Variants in RNF25 observed in about 807,000 individuals in gnomAD.
RNF25 encodes the protein E3 ubiquitin-protein ligase RNF25.
RNF25 carries 32 observed loss-of-function variants against 65.0 expected under a neutral mutation model. The ratio of observed to expected loss-of-function variants is 0.49; its 90% CI spans 0.37 to 0.66. RNF25 has a LOEUF of 0.66. Among genes scored for constraint, RNF25 ranks in the 30% least tolerant of loss-of-function variants. RNF25 has a pLI of 0.00. For synonymous variants in RNF25, 207 were observed against 221.2 expected, an observed-to-expected ratio of 0.94 and a Z score of 0.57; for missense variants, 493 against 584.8, an observed-to-expected ratio of 0.84 and a Z score of 1.62.
chr2:218,669,260 A>C (rs1033133786), intron 1 of RNF25, among the ~76,000 whole-genome samples: 1 of 152,230 alleles, frequency 6.6e-6, no homozygotes, highest in Non-Finnish European at 1.5e-5. Context: ...AACAGGTACC[A>C]ATCACTTACA....
intron 1 of RNF25, among the ~76,000 whole-genome samples, chr2:218,670,927 C>A (rs1191542893): frequency 1.3e-5 from 2 of 152,030 alleles, no homozygotes; most frequent in African/African-American, 2.4e-5. Context: ...AATTCCAGCA[C>A]CTTGGGAGGC....
At chr2:218,665,099 T>G (rs1241247338) in intron 8 of RNF25, 56 bp downstream of exon 8, 2 of 1,560,772 alleles carry the variant, frequency 1.3e-6, no homozygotes, top group African/African-American at 2.7e-5. Context: ...ATGCCATTCC[T>G]TACTCTTTAG....
intron 8 of RNF25, 97 bp downstream of exon 8, chr2:218,665,058 A>G: frequency 6.9e-7 from 1 of 1,452,286 alleles, no homozygotes. Context: ...GTTCAAGCCC[A>G]ATTTCAGAGA....
intron 5 of RNF25, among the ~76,000 whole-genome samples, chr2:218,666,713 A>G (rs1301645725): frequency 1.3e-5 from 2 of 152,186 alleles, no homozygotes; most frequent in African/African-American, 4.8e-5. Context: ...ATGCATTTGA[A>G]TTGTTATTTG....
chr2:218,664,278 C>T lies in RNF25; in HGVS notation c.1059G>A (p.Arg353=). The T allele has an allele frequency of 1.2e-6, 2 of 1,608,206 alleles. No individual in the cohort carries two copies. Among genetic ancestry groups the T allele is most frequent in the Non-Finnish European group, 1.7e-6 (2 of 1,175,924 alleles). The change falls in exon 10 of 10, where the codon AGG becomes AGA. Residue 353 remains arginine, a synonymous_variant. Coordinates refer to ENST00000295704, the MANE Select transcript of RNF25 (RefSeq NM_022453.3). The surrounding 1 kb of genome is among the most constrained non-coding windows in gnomAD (Gnocchi z 5.1). ...CGTGGCACTCCCCTCCCTTTGGGTG[C>T]CTCCGTTCGGGCTGTCGCCAGGGAC... ...SRGPWRQPER[R]HPKGGECHAP...
At position 218,664,145 on chromosome 2, in the gene RNF25, G is replaced by A. The variant is rs764552643; in HGVS notation, c.1192C>T (p.Pro398Ser). ...EPHSQGVEGP[P>S]QEKGPGSWQG... ...CAGCTGCCAGGCCCCTTCTCTTGTG[G>A]AGGACCTTCAACTCCTTGGCTATGG... The change falls in exon 10 of 10, where the codon CCA becomes TCA. Residue 398 changes from proline to serine, a missense_variant. Coordinates refer to ENST00000295704, the MANE Select transcript of RNF25 (RefSeq NM_022453.3). The surrounding 1 kb of genome is among the most constrained non-coding windows in gnomAD (Gnocchi z 5.1). 2.0e-6 allele frequency: 3 copies of A among 1,536,274 alleles called. No homozygotes were observed. In the South Asian group the frequency reaches 3.8e-5, roughly 20 times the overall value.
chr2:218,665,021 T>C (rs1939791205), intron 8 of RNF25, 134 bp downstream of exon 8: 2 of 1,443,938 alleles, frequency 1.4e-6, no homozygotes, highest in Non-Finnish European at 1.9e-6. Flanking sequence ...CAGTGGGGGA[T>C]GTGGCTTTGC....
At chr2:218,669,288 C>T (rs571384199) in intron 1 of RNF25, among the ~76,000 whole-genome samples, 4 of 152,306 alleles carry the variant, frequency 2.6e-5, no homozygotes, top group Non-Finnish European at 4.4e-5. Flanking sequence ...CAATCTGGGA[C>T]GTGACCTCTC....
chr2:218,665,054 G>C (rs752719020), intron 8 of RNF25, 101 bp downstream of exon 8: 11 of 1,447,804 alleles, frequency 7.6e-6, no homozygotes, highest in Non-Finnish European at 1.1e-5. Context: ...GGCAGTTCAA[G>C]CCCAATTTCA....
In RNF25 at chr2:218,668,243, G is replaced by C. The variant is rs748720228; in HGVS notation, c.215C>G (p.Ala72Gly). 2 of 1,613,796 alleles carry C rather than the reference G, an allele frequency of 1.2e-6. No homozygotes were observed. The highest frequency in any genetic ancestry group is 1.1e-5 in the South Asian group (1 of 91,072). ...GCCACACAGTAGGGGCTTCACCTCT[G>C]CTGGGACCTGAAGCACCAGAGTGAA... The part of the protein sequence containing the change: ...VCFTLVLQVP[A>G]EYPHEVPQIS... The change falls in exon 3 of 10, where the codon GCA becomes GGA. Residue 72 changes from alanine (A) to glycine (G), a missense_variant. Transcript: ENST00000295704.
In RNF25 at chr2:218,664,434, T is replaced by C. The variant is rs1313073882; in HGVS notation, c.903A>G (p.Gln301=). 6 of 1,613,986 alleles carry C rather than the reference T, an allele frequency of 3.7e-6. No homozygotes were observed. Among genetic ancestry groups the C allele is most frequent in the Admixed American group, 1.7e-5 (1 of 59,992 alleles). ...AAELSTSPAV[Q]STLPPPLPVA... ...CAGGCAGAGGAGGTGGCAAAGTGGA[T>C]TGGACGGCTGGTGAGGTGGATAGTT... Residue 301 remains glutamine, a synonymous_variant, in exon 10 of 10, where the codon CAA becomes CAG. Coordinates refer to ENST00000295704, the MANE Select transcript of RNF25 (RefSeq NM_022453.3). The surrounding 1 kb of genome is among the most constrained non-coding windows in gnomAD (Gnocchi z 5.1).
chr2:218,668,550 A>G lies in RNF25; in HGVS notation c.116+55T>C, dbSNP rs374566516. The G allele has an allele frequency of 2.3e-3, 2,982 of 1,300,300 alleles. 13 individuals are homozygous for G. Among genetic ancestry groups the G allele is most frequent in the Non-Finnish European group, 3.1e-3 (2,771 of 895,452 alleles). 80.5% of individuals were successfully genotyped at this position (1,300,300 alleles called of 1,614,324 possible). On this transcript the variant is annotated intron_variant, in intron 2 of 9. Transcript: ENST00000295704. Reference sequence around the variant, plus strand: ...ATGTCTTAAGACCCAAATTCAGCATAGAACCTCTCCTCATTACTAGGGGGA... The same window carrying G: ...ATGTCTTAAGACCCAAATTCAGCATGGAACCTCTCCTCATTACTAGGGGGA...
At chr2:218,670,815 T>A (rs1939943846) in intron 1 of RNF25, among the ~76,000 whole-genome samples, 2 of 152,096 alleles carry the variant, frequency 1.3e-5, no homozygotes, top group South Asian at 4.1e-4. Context: ...TTTCTATCTT[T>A]TGGCAAATCA....
At chr2:218,671,898 C>A (rs879053541) in intron 1 of RNF25, 32 bp downstream of exon 1, 2 of 1,613,812 alleles carry the variant, frequency 1.2e-6, no homozygotes, top group African/African-American at 1.3e-5. Flanking sequence ...TAGATCCAGG[C>A]TGTCAGCCAA....
At chr2:218,666,922 A>G (rs1939835906) in intron 5 of RNF25, among the ~76,000 whole-genome samples, 1 of 152,228 alleles carries the variant, frequency 6.6e-6, no homozygotes, top group Non-Finnish European at 1.5e-5. Context: ...TAATCCCAGC[A>G]CTTTGGGAGG....
chr2:218,670,910 C>G (rs1178504734), intron 1 of RNF25, among the ~76,000 whole-genome samples: 2 of 151,818 alleles, frequency 1.3e-5, no homozygotes, highest in African/African-American at 4.8e-5. Context: ...TGGTGGCTCA[C>G]GCCTGTAATT....
chr2:218,671,932 G>A lies in RNF25; in HGVS notation c.39C>T (p.Asp13=). 6.2e-7 allele frequency: 1 copy of A among 1,614,206 alleles called. No homozygotes were observed. Among genetic ancestry groups the A allele is most frequent in the Non-Finnish European group, 8.5e-7 (1 of 1,180,044 alleles). The change falls in exon 1 of 10, where the codon GAC becomes GAT. Residue 13 remains aspartate (D), a splice_region_variant and synonymous_variant. Coordinates refer to ENST00000295704, the MANE Select transcript of RNF25 (RefSeq NM_022453.3). ...AAAGCCCATGCCCCCAAAGTTACCA[G>A]TCCTCCTCCCCTGCAGCTGCAGACG... ...ASASAAAGEE[D]WVLPSEVEVL...
chr2:218,664,693 G>C lies in RNF25; in HGVS notation c.801+46C>G. On this transcript the variant is annotated intron_variant, in intron 9 of 9. Transcript: ENST00000295704. The surrounding 1 kb of genome is among the most constrained non-coding windows in gnomAD (Gnocchi z 5.1). ...GGGCCATGGCTGATTGGGGTTTGTA[G>C]AAAGGTTGGTGGCATTACAGGACAA... The C allele has an allele frequency of 1.2e-6, 2 of 1,612,526 alleles. No homozygotes were observed.
In RNF25 at chr2:218,668,654, A is replaced by G. The variant is rs768746969; in HGVS notation, c.67T>C (p.Leu23=). ...DWVLPSEVEV[L]ESIYLDELQV... is the part of the protein sequence containing the mutation. ...AGTTCATCTAGATAGATGGACTCCA[A>G]TACTTCAACTTCAGAGGGAAGGACC... Residue 23 remains leucine (L), a synonymous_variant, in exon 2 of 10, where the codon TTG becomes CTG. Coordinates refer to ENST00000295704, the MANE Select transcript of RNF25 (RefSeq NM_022453.3). The G allele has an allele frequency of 5.6e-6, 9 of 1,611,598 alleles. No homozygotes were observed. Among genetic ancestry groups the G allele is most frequent in the Admixed American group, 1.7e-5 (1 of 60,026 alleles).
Sources: allele counts gnomAD v4.1 joint callset (sites outside exome capture counted in the v4.1 genomes callset), GRCh38; gene constraint gnomAD v4.1.1; non-coding constraint Gnocchi (gnomAD v3.1); transcripts MANE v1.5; gene names NCBI Gene and HGNC (gene_info 2026-07-23, HGNC 2026-07-21).